Variants in TRAF3 observed in about 807,000 individuals in gnomAD.
TRAF3 encodes TNF receptor associated factor 3.
A neutral mutation model predicts 62.3 loss-of-function variants in TRAF3; 13 were observed. That is an observed-to-expected ratio of 0.21 (90% CI 0.14 to 0.33). The LOEUF (loss-of-function observed/expected upper bound fraction) is 0.33, where lower values mean the gene tolerates loss of function less well. Among genes scored for constraint, TRAF3 ranks in the 10% least tolerant of loss-of-function variants. The pLI is 1.00. For missense variants in TRAF3, 440 were observed against 741.8 expected (o/e 0.59, Z 4.73); for synonymous variants, 269 against 283.4 (o/e 0.95, Z 0.51).
chr14:102,828,164 C>T (rs1379388005), intron 1 of TRAF3, among the ~76,000 whole-genome samples: 2 of 152,226 alleles, frequency 1.3e-5, no homozygotes, highest in African/African-American at 2.4e-5. Flanking sequence ...GTGTTCACAG[C>T]ATTTTTTAAA....
intron 2 of TRAF3, among the ~76,000 whole-genome samples, chr14:102,831,749 CT>C (rs1002625465): frequency 1.1e-4 from 16 of 150,936 alleles, no homozygotes; most frequent in Middle Eastern, 3.4e-3. Context: ...TTTGTTTTCC[CT>C]TTTTTTTTGG....
intron 6 of TRAF3, among the ~76,000 whole-genome samples, chr14:102,884,474 A>G (rs1184026013): frequency 6.6e-6 from 1 of 152,196 alleles, no homozygotes; most frequent in African/African-American, 2.4e-5. Flanking sequence ...CAGGAAAAGA[A>G]ATAGAAATGA....
intron 1 of TRAF3, among the ~76,000 whole-genome samples, chr14:102,795,619 T>TGCGC (rs1566740642): frequency 1.3e-5 from 2 of 151,850 alleles, no homozygotes; most frequent in African/African-American, 4.8e-5. Context: ...TGTGTGTGTG[T>TGCGC]GCATAGTTTT....
chr14:102,869,867 G>A (rs1888229526), intron 2 of TRAF3, among the ~76,000 whole-genome samples: 1 of 151,734 alleles, frequency 6.6e-6, no homozygotes, highest in Non-Finnish European at 1.5e-5. Flanking sequence ...CTAGAGTGCA[G>A]TGGTGCCATC....
At chr14:102,791,020 CT>C (rs559815933) in intron 1 of TRAF3, among the ~76,000 whole-genome samples, 183 of 129,838 alleles carry the variant, frequency 1.4e-3, no homozygotes, top group Middle Eastern at 3.8e-3. Context: ...CTTTTCTTTT[CT>C]TTTTTTTTTT....
intron 2 of TRAF3, among the ~76,000 whole-genome samples, chr14:102,861,985 A>T: frequency 6.6e-6 from 1 of 152,148 alleles, no homozygotes; most frequent in East Asian, 1.9e-4. Context: ...ATTTCCTCCC[A>T]TTCTGTTAAT....
intron 2 of TRAF3, among the ~76,000 whole-genome samples, chr14:102,839,319 A>G (rs1052278781): frequency 6.8e-6 from 1 of 147,164 alleles, no homozygotes; most frequent in Admixed American, 7.0e-5. Flanking sequence ...CCTGGGCTCA[A>G]GCGATTCTCC....
At chr14:102,791,496 T>G (rs192687653) in intron 1 of TRAF3, among the ~76,000 whole-genome samples, 3 of 152,322 alleles carry the variant, frequency 2.0e-5, no homozygotes, top group African/African-American at 4.8e-5. Context: ...TATTGCTCAT[T>G]GCTGGTATAT....
chr14:102,820,594 ATATATATATATATATATATATTTTT>A lies in TRAF3; in HGVS notation c.-156-9738_-156-9714del, dbSNP rs1173886738. On this transcript the variant is annotated intron_variant, in intron 1 of 11. Coordinates refer to ENST00000392745, the MANE Select transcript of TRAF3 (RefSeq NM_145725.3). ...CCAGCATATATATATATATATATAT[ATATATATATATATATATATATTTTT>A]TTTTTTTTTTTTTTTTTTTTTTTTT... Among the ~76,000 whole-genome samples, 6 of 10,098 alleles carry A rather than the reference ATATATATATATATATATATATTTTT, an allele frequency of 5.9e-4. No individual in the cohort carries two copies. The East Asian group carries it at 0.036, about 61-fold the overall frequency. The allele number at this position is 10,098 out of a possible 152,430, so 6.6% of individuals were successfully genotyped here. A position where few individuals can be genotyped will look rare whatever the true frequency, so the allele number is the denominator to read the frequency against.
chr14:102,816,952 A>G (rs1215164925), intron 1 of TRAF3, among the ~76,000 whole-genome samples: 1 of 152,218 alleles, frequency 6.6e-6, no homozygotes, highest in African/African-American at 2.4e-5. Flanking sequence ...TTGAAGACGA[A>G]GCTGACTGTC....
chr14:102,899,000 G>T (rs1256380159), intron 10 of TRAF3, among the ~76,000 whole-genome samples: 1 of 152,206 alleles, frequency 6.6e-6, no homozygotes, highest in East Asian at 1.9e-4. Flanking sequence ...CAGGAGGCTG[G>T]GCGTGGCGGA....
At chr14:102,793,035 C>T (rs1897888819) in intron 1 of TRAF3, among the ~76,000 whole-genome samples, 2 of 152,090 alleles carry the variant, frequency 1.3e-5, no homozygotes, top group South Asian at 2.1e-4. Flanking sequence ...GTCTCGAACA[C>T]GTGGTCTCAT....
intron 1 of TRAF3, among the ~76,000 whole-genome samples, chr14:102,822,036 C>T (rs1900017609): frequency 6.6e-6 from 1 of 152,030 alleles, no homozygotes; most frequent in African/African-American, 2.4e-5. Flanking sequence ...AGTGAGACTC[C>T]ATCTCAAATA....
At chr14:102,796,642 T>A (rs1898105417) in intron 1 of TRAF3, among the ~76,000 whole-genome samples, 1 of 152,090 alleles carries the variant, frequency 6.6e-6, no homozygotes, top group Non-Finnish European at 1.5e-5. Context: ...AAAACACAGG[T>A]TGAGAGAGTT....
At chr14:102,792,444 T>C (rs1298732893) in intron 1 of TRAF3, among the ~76,000 whole-genome samples, 2 of 150,608 alleles carry the variant, frequency 1.3e-5, no homozygotes, top group Non-Finnish European at 3.0e-5. Flanking sequence ...TTTTTTTTTT[T>C]TTTTTTTTTT....
intron 2 of TRAF3, among the ~76,000 whole-genome samples, chr14:102,834,183 G>A (rs1447696661): frequency 1.3e-5 from 2 of 152,090 alleles, no homozygotes; most frequent in African/African-American, 2.4e-5. Flanking sequence ...GAGGCATTCT[G>A]TTACGCAACT....
At chr14:102,868,636 T>C (rs1888148727) in intron 2 of TRAF3, among the ~76,000 whole-genome samples, 1 of 152,198 alleles carries the variant, frequency 6.6e-6, no homozygotes, top group Non-Finnish European at 1.5e-5. Context: ...GCATGGCCAT[T>C]GCATGGTATC....
chr14:102,877,425 A>T (rs967032342), intron 6 of TRAF3, among the ~76,000 whole-genome samples: 1 of 143,178 alleles, frequency 7.0e-6, no homozygotes, highest in Non-Finnish European at 1.5e-5. Context: ...CTCAGCTCAT[A>T]GATAATCCAT....
Position 102,830,407 on chromosome 14 carries a change from A to T in TRAF3, c.-83A>T, listed in dbSNP as rs1900605183. ...AGAGCAGGTCAGAATCAGACCTAGG[A>T]TCAGAAACCTGGCTCCTGGCTCCTG... On this transcript the variant is annotated 5_prime_UTR_variant, in exon 2 of 12. Coordinates refer to ENST00000392745, the MANE Select transcript of TRAF3 (RefSeq NM_145725.3). 2 of 152,186 alleles carry T rather than the reference A, an allele frequency of 1.3e-5. No individual in the cohort carries two copies. Among genetic ancestry groups the T allele is most frequent in the Non-Finnish European group, 2.9e-5 (2 of 68,056 alleles). The allele number at this position is 152,186 out of a possible 1,614,324, so 9.4% of individuals were successfully genotyped here.
Sources: gnomAD v4.1 joint callset for allele counts (sites outside exome capture counted in the v4.1 genomes callset) on GRCh38, gnomAD v4.1.1 for gene constraint, MANE v1.5 for transcripts, NCBI Gene and HGNC (gene_info 2026-07-23, HGNC 2026-07-21) for gene names.